The following CHST13 variants were observed in gnomAD, a reference collection of about 807,000 sequenced individuals.
CHST13 encodes the protein carbohydrate sulfotransferase 13.
In CHST13, 1 loss-of-function variant was observed where a neutral mutation model predicts 7.0. The ratio of observed to expected loss-of-function variants is 0.14; its 90% confidence interval spans 0.05 to 0.68. The LOEUF is 0.68. CHST13 is among the 30% of genes least tolerant of loss of function. The pLI, the probability that CHST13 is intolerant of heterozygous loss-of-function variation, is 0.82. For synonymous variants in CHST13, 257 were observed against 240.9 expected, an observed-to-expected ratio of 1.07 and a Z score of -0.62; for missense variants, 572 against 507.9, an observed-to-expected ratio of 1.13 and a Z score of -1.21.
At chr3:126,524,935 C>T (rs560516580) in intron 1 of CHST13, among the ~76,000 whole-genome samples, 1 of 152,232 alleles carries the variant, frequency 6.6e-6, no homozygotes, top group South Asian at 2.1e-4. Context: ...TCCTGTGCAC[C>T]CACTCGTGGT....
Position 126,542,794 on chromosome 3 carries a change from T to A in CHST13, c.*216T>A. ...CGTGTGCCTGCCTCGGCCTGTCGCC[T>A]GAGGCCTGCTTCCTCCACTTGCTCC... is the stretch of plus-strand genomic sequence containing the variant. On this transcript the variant is annotated 3_prime_UTR_variant, in exon 3 of 3. Transcript: ENST00000319340. 1 of 540,364 alleles carries A rather than the reference T, an allele frequency of 1.9e-6. No individual in the cohort carries two copies. Among genetic ancestry groups the A allele is most frequent in the Non-Finnish European group, 2.9e-6 (1 of 347,682 alleles). 33.5% of individuals were successfully genotyped at this position (540,364 alleles called of 1,614,324 possible).
intron 2 of CHST13, among the ~76,000 whole-genome samples, chr3:126,540,961 T>C (rs1213443959): frequency 1.3e-5 from 2 of 152,142 alleles, no homozygotes; most frequent in Admixed American, 6.6e-5. Context: ...CAAAAAATCA[T>C]AGGCAGGGGT....
chr3:126,531,876 C>A (rs551012862), intron 1 of CHST13, among the ~76,000 whole-genome samples: 24 of 152,254 alleles, frequency 1.6e-4, no homozygotes, highest in African/African-American at 5.5e-4. Flanking sequence ...TTTTAAGAAA[C>A]CACCAAACTG....
Position 126,542,596 on chromosome 3 carries a change from T to C in CHST13, c.*18T>C. The C allele has an allele frequency of 6.9e-7, 1 of 1,456,440 alleles. No homozygotes were observed. Among genetic ancestry groups the C allele is most frequent in the Admixed American group, 2.8e-5 (1 of 36,220 alleles). The allele number at this position is 1,456,440 out of a possible 1,614,324, so 90.2% of individuals were successfully genotyped here. A position where few individuals can be genotyped will look rare whatever the true frequency, so the allele number is the denominator to read the frequency against. ...TGCTCTAGCGGTCCTGGAGGTCCTG[T>C]GGCCACGCGGGGCAAGTGCCTTTCC... On this transcript the variant is annotated 3_prime_UTR_variant, in exon 3 of 3. Coordinates refer to ENST00000319340, the MANE Select transcript of CHST13 (RefSeq NM_152889.3).
intron 2 of CHST13, among the ~76,000 whole-genome samples, chr3:126,539,914 A>T (rs951810737): frequency 4.1e-4 from 1 of 2,462 alleles, no homozygotes; most frequent in Non-Finnish European, 1.3e-3. Context: ...TACATACACC[A>T]CACACACCAC....
intron 1 of CHST13, among the ~76,000 whole-genome samples, chr3:126,530,638 T>A (rs1361828936): frequency 6.6e-6 from 1 of 152,218 alleles, no homozygotes; most frequent in Non-Finnish European, 1.5e-5. Context: ...GAGCTCCCCA[T>A]GGTTGCTGCT....
chr3:126,542,752 T>C lies in CHST13; in HGVS notation c.*174T>C. On this transcript the variant is annotated 3_prime_UTR_variant, in exon 3 of 3. Transcript: ENST00000319340. ...TGGCCAGGCTTGGGGGCAGCCCATC[T>C]CAGGTGGCCCTGCACGCGTGTGCCT... The C allele has an allele frequency of 5.9e-6, 6 of 1,016,028 alleles. No homozygotes were observed. In the South Asian group the frequency reaches 1.6e-4, roughly 26 times the overall value. 62.9% of individuals were successfully genotyped at this position (1,016,028 alleles called of 1,614,324 possible).
Position 126,524,345 on chromosome 3 carries a change from T to C in CHST13, c.13T>C (p.Cys5Arg). Residue 5 changes from cysteine to arginine, a missense_variant, in exon 1 of 3, where the codon TGC (cysteine) becomes CGC (arginine). Cys to Arg is a radical substitution (Grantham distance 180, BLOSUM62 -3). Coordinates refer to ENST00000319340, the MANE Select transcript of CHST13 (RefSeq NM_152889.3). MGRR[C>R]CRRRVLAAAC... ...CGCCCGGCACAGCATGGGGAGGCGC[T>C]GCTGCCGGCGGCGCGTGCTGGCGGC... 6 of 1,235,604 alleles carry C rather than the reference T, an allele frequency of 4.9e-6. No individual in the cohort carries two copies. The highest frequency in any genetic ancestry group is 3.4e-5 in the South Asian group (1 of 29,318). 76.5% of individuals were successfully genotyped at this position (1,235,604 alleles called of 1,614,324 possible).
chr3:126,536,393 A>G, intron 2 of CHST13, 40 bp downstream of exon 2: 1 of 1,520,762 alleles, frequency 6.6e-7, no homozygotes, highest in Non-Finnish European at 9.1e-7. Context: ...GCCCCCCTCC[A>G]TCCCAGCCAG....
rs1249476986 is a variant in CHST13, at chr3:126,541,809, G to A, written c.257G>A (p.Arg86His). 5.8e-6 allele frequency: 9 copies of A among 1,556,244 alleles called. No individual in the cohort carries two copies. In the African/African-American group the frequency reaches 9.6e-5, roughly 17 times the overall value. ...AACAGCGCCTGTAGCCGCCACTCAC[G>A]CCGGCAGCGCCTGCTACAGCCGGAG... ...LLNSACSRHS[R>H]RQRLLQPEDL... Residue 86 changes from arginine (R) to histidine (H), a missense_variant, in exon 3 of 3, where the codon CGC becomes CAC. Coordinates refer to ENST00000319340, the MANE Select transcript of CHST13 (RefSeq NM_152889.3).
chr3:126,524,740 C>T (rs1166213122), intron 1 of CHST13, among the ~76,000 whole-genome samples: 1 of 152,180 alleles, frequency 6.6e-6, no homozygotes, highest in Admixed American at 6.5e-5. Flanking sequence ...TCCGGGAAGG[C>T]CATCTCCCTT....
At position 126,524,311 on chromosome 3, in the gene CHST13, TC is replaced by T; in HGVS notation, c.-20del. On this transcript the variant is annotated 5_prime_UTR_variant, in exon 1 of 3. Transcript: ENST00000319340. ...CCCAGCCGTATCCAGCGGACTGTCC[TC>T]CGCCGCGCGCCCGGCACAGCATGGG... is the stretch of plus-strand genomic sequence containing the variant. 8.1e-7 allele frequency: 1 copy of T among 1,231,112 alleles called. No homozygotes were observed. The highest frequency in any genetic ancestry group is 1.0e-6 in the Non-Finnish European group (1 of 987,342). 76.3% of individuals were successfully genotyped at this position (1,231,112 alleles called of 1,614,324 possible). A position where few individuals can be genotyped will look rare whatever the true frequency, so the allele number is the denominator to read the frequency against.
intron 2 of CHST13, among the ~76,000 whole-genome samples, chr3:126,541,395 C>G (rs2107573297): frequency 6.6e-6 from 1 of 152,334 alleles, no homozygotes; most frequent in South Asian, 2.1e-4. Context: ...TTTTAGTAAA[C>G]ATTGAAGAGT....
intron 1 of CHST13, among the ~76,000 whole-genome samples, chr3:126,535,864 G>T (rs1936778868): frequency 6.6e-6 from 1 of 152,258 alleles, no homozygotes; most frequent in Non-Finnish European, 1.5e-5. Flanking sequence ...CCCATACACA[G>T]GATCTGAGGG....
chr3:126,530,877 A>G (rs931167857), intron 1 of CHST13, among the ~76,000 whole-genome samples: 36 of 152,220 alleles, frequency 2.4e-4, no homozygotes, highest in Non-Finnish European at 4.9e-4. Context: ...TGCCCTGGCC[A>G]CTGGAGTCTG....
In CHST13 at chr3:126,542,279, T is replaced by G; in HGVS notation, c.727T>G (p.Phe243Val). 6.4e-7 allele frequency: 1 copy of G among 1,564,156 alleles called. No homozygotes were observed. ...CCCGCGCACGCGGCGTGAGGAGCCCTTCAACGAGCACTGGGAGCGCGCGCA... is the reference window on the plus strand; with the variant it reads ...CCCGCGCACGCGGCGTGAGGAGCCCGTCAACGAGCACTGGGAGCGCGCGCA... ...LDPRTRREEP[F>V]NEHWERAHAL... Residue 243 changes from phenylalanine to valine, a missense_variant, in exon 3 of 3, where the codon TTC becomes GTC. Physicochemically the swap from Phe to Val is conservative, Grantham distance 50 (BLOSUM62 -1). Transcript: ENST00000319340.
chr3:126,542,568 G>A lies in CHST13; in HGVS notation c.1016G>A (p.Arg339Gln). 3 of 1,493,356 alleles carry A rather than the reference G, an allele frequency of 2.0e-6. No homozygotes were observed. The highest frequency in any genetic ancestry group is 2.7e-6 in the Non-Finnish European group (3 of 1,125,162). The allele number at this position is 1,493,356 out of a possible 1,614,324, so 92.5% of individuals were successfully genotyped here. A position where few individuals can be genotyped will look rare whatever the true frequency, so the allele number is the denominator to read the frequency against. Reference sequence around the variant, plus strand: ...AACTACTCCGCCCCCTCCTACCTGCGGCTGCTCTAGCGGTCCTGGAGGTCC... The same window carrying A: ...AACTACTCCGCCCCCTCCTACCTGCAGCTGCTCTAGCGGTCCTGGAGGTCC... The part of the protein sequence containing the change: ...LFNYSAPSYL[R>Q]LL The change falls in exon 3 of 3, where the codon CGG becomes CAG. Residue 339 changes from arginine (R) to glutamine (Q), a missense_variant. Coordinates refer to ENST00000319340, the MANE Select transcript of CHST13 (RefSeq NM_152889.3).
At chr3:126,540,035 C>T (rs990109085) in intron 2 of CHST13, among the ~76,000 whole-genome samples, 1 of 149,510 alleles carries the variant, frequency 6.7e-6, no homozygotes, top group Non-Finnish European at 1.5e-5. Context: ...ACACGCACAC[C>T]ACACACCACA....
At chr3:126,532,387 G>T (rs553843312) in intron 1 of CHST13, among the ~76,000 whole-genome samples, 3 of 152,172 alleles carry the variant, frequency 2.0e-5, no homozygotes, top group Non-Finnish European at 2.9e-5. Context: ...TCACTTAAGA[G>T]TTTCATAGTT....
Sources: allele counts gnomAD v4.1 joint callset (sites outside exome capture counted in the v4.1 genomes callset), GRCh38; gene constraint gnomAD v4.1.1; transcripts MANE v1.5; gene names NCBI Gene and HGNC (gene_info 2026-07-23, HGNC 2026-07-21).